The following TANC2 variants were observed in gnomAD, a reference collection of about 807,000 sequenced individuals.
TANC2 encodes the protein tetratricopeptide repeat, ankyrin repeat and coiled-coil containing 2.
In TANC2, 26 loss-of-function variants were observed where a neutral mutation model predicts 210.5. The observed-to-expected ratio is 0.12, with a 90% confidence interval of 0.09 to 0.17. The LOEUF (loss-of-function observed/expected upper bound fraction) is 0.17. TANC2 is among the 10% of genes least tolerant of loss of function. The pLI is 1.00. For missense variants in TANC2, 2,129 were observed against 2,608.9 expected (o/e 0.82, Z 4.01); for synonymous variants, 931 against 967.1 (o/e 0.96, Z 0.69).
At chr17:63,234,943 A>AT (rs1234219222) in intron 7 of TANC2, among the ~76,000 whole-genome samples, 2 of 152,110 alleles carry the variant, frequency 1.3e-5, no homozygotes, top group Non-Finnish European at 2.9e-5. Flanking sequence ...TCATGGTACA[A>AT]TTTAAAGGTT....
chr17:63,283,722 C>T (rs776540713), intron 9 of TANC2, among the ~76,000 whole-genome samples: 48 of 151,888 alleles, frequency 3.2e-4, no homozygotes, highest in Admixed American at 1.2e-3. Context: ...ACTTATCCTT[C>T]AGTATTTCAT....
chr17:63,025,617 G>A (rs1483929325), intron 2 of TANC2, among the ~76,000 whole-genome samples: 5 of 151,718 alleles, frequency 3.3e-5, no homozygotes, highest in South Asian at 4.2e-4. Context: ...GCGACGTGGC[G>A]AAACTTCATC....
chr17:63,253,123 C>T (rs1395232867), intron 8 of TANC2, among the ~76,000 whole-genome samples: 1 of 152,160 alleles, frequency 6.6e-6, no homozygotes, highest in African/African-American at 2.4e-5. Flanking sequence ...TGCCAGCATT[C>T]ATTATTGCTT....
intron 2 of TANC2, among the ~76,000 whole-genome samples, chr17:63,041,607 G>A (rs2035189699): frequency 6.6e-6 from 1 of 151,994 alleles, no homozygotes; most frequent in African/African-American, 2.4e-5. Flanking sequence ...TGCTTTGCTT[G>A]TTGTTGCTTA....
intron 5 of TANC2, among the ~76,000 whole-genome samples, chr17:63,189,222 C>T (rs544759436): frequency 1.3e-5 from 2 of 152,130 alleles, no homozygotes; most frequent in Non-Finnish European, 2.9e-5. Flanking sequence ...ATGAATAACA[C>T]TGCTATGACC....
chr17:63,052,789 T>C (rs2035627990), intron 2 of TANC2, among the ~76,000 whole-genome samples: 1 of 152,220 alleles, frequency 6.6e-6, no homozygotes, highest in African/African-American at 2.4e-5. Context: ...ACTACTGAAC[T>C]CTGCCATTGC....
intron 5 of TANC2, among the ~76,000 whole-genome samples, chr17:63,163,010 T>G (rs2040080664): frequency 6.6e-6 from 1 of 151,884 alleles, no homozygotes; most frequent in South Asian, 2.1e-4. Context: ...GGTTGGGGTT[T>G]GGCCAGATTG....
At chr17:63,037,894 A>G (rs1051533135) in intron 2 of TANC2, among the ~76,000 whole-genome samples, 2 of 152,002 alleles carry the variant, frequency 1.3e-5, no homozygotes, top group African/African-American at 2.4e-5. Flanking sequence ...TATTAGTTCT[A>G]ATCGATGTTT....
At chr17:63,065,686 T>C (rs1168749653) in intron 2 of TANC2, among the ~76,000 whole-genome samples, 1 of 152,200 alleles carries the variant, frequency 6.6e-6, no homozygotes, top group Non-Finnish European at 1.5e-5. Context: ...TGTGGGCTCT[T>C]TATATGTCTT....
intron 1 of TANC2, among the ~76,000 whole-genome samples, chr17:62,969,229 A>G (rs755070013): frequency 2.6e-5 from 4 of 152,174 alleles, no homozygotes; most frequent in East Asian, 1.9e-4. Flanking sequence ...CCAACACCCT[A>G]TGAGGTATGT....
intron 1 of TANC2, among the ~76,000 whole-genome samples, chr17:62,984,268 T>G (rs552845371): frequency 6.6e-6 from 1 of 152,128 alleles, no homozygotes; most frequent in African/African-American, 2.4e-5. Flanking sequence ...TTGACATATA[T>G]TCATAGTAGT....
chr17:63,055,986 AAAAAATATATATATATATATATATAT>A (rs1395650161), intron 2 of TANC2, among the ~76,000 whole-genome samples: 5 of 11,200 alleles, frequency 4.5e-4, no homozygotes, highest in African/African-American at 8.6e-4. Context: ...AAAAAAAAAA[AAAAAATATATATATATATATATATAT>A]ATATATATAT....
chr17:63,364,943 C>T (rs1444745739), intron 14 of TANC2, among the ~76,000 whole-genome samples: 1 of 152,164 alleles, frequency 6.6e-6, no homozygotes, highest in Non-Finnish European at 1.5e-5. Context: ...ATACTGGTTA[C>T]AGCAACTTAA....
chr17:63,382,285 A>G (rs1339096286), intron 15 of TANC2, among the ~76,000 whole-genome samples: 3 of 152,168 alleles, frequency 2.0e-5, no homozygotes, highest in African/African-American at 7.2e-5. Flanking sequence ...ACCAAGGTCC[A>G]TTCTTACTCA....
At chr17:63,185,680 G>C (rs940317602) in intron 5 of TANC2, among the ~76,000 whole-genome samples, 1 of 152,102 alleles carries the variant, frequency 6.6e-6, no homozygotes, top group Non-Finnish European at 1.5e-5. Flanking sequence ...TATTTTGTTT[G>C]TTTTGTGTGC....
chr17:63,251,363 T>A (rs954452605), intron 8 of TANC2, among the ~76,000 whole-genome samples: 1 of 152,114 alleles, frequency 6.6e-6, no homozygotes, highest in Non-Finnish European at 1.5e-5. Context: ...GAAAATGATA[T>A]ACAAATGGAA....
exon 28 of TANC2, chr17:63,425,263 A>G (rs1464530601): frequency 6.6e-6 from 1 of 152,226 alleles, no homozygotes; most frequent in African/African-American, 2.4e-5. Context: ...AGAATCATGT[A>G]CAGTACCCCA....
At chr17:63,240,305 C>T (rs1432250534) in intron 8 of TANC2, among the ~76,000 whole-genome samples, 1 of 152,160 alleles carries the variant, frequency 6.6e-6, no homozygotes, top group Non-Finnish European at 1.5e-5. Flanking sequence ...AGCTTTGTCT[C>T]AATGAGTGGA....
chr17:63,185,297 T>A (rs1567796316), intron 5 of TANC2, among the ~76,000 whole-genome samples: 1 of 152,068 alleles, frequency 6.6e-6, no homozygotes, highest in Admixed American at 6.5e-5. Flanking sequence ...TTCACCATGT[T>A]GGCCAGGCTA....
Sources: allele counts gnomAD v4.1 joint callset (sites outside exome capture counted in the v4.1 genomes callset), GRCh38; gene constraint gnomAD v4.1.1; transcripts MANE v1.5; gene names NCBI Gene and HGNC (gene_info 2026-07-23, HGNC 2026-07-21).